CARMIL1: variants seen among roughly 807,000 people sequenced by gnomAD.
CARMIL1 encodes the protein F-actin-uncapping protein LRRC16A.
In CARMIL1, 90 loss-of-function variants were observed where a neutral mutation model predicts 177.1. The ratio of observed to expected loss-of-function variants is 0.51; its 90% CI spans 0.43 to 0.61. The LOEUF (loss-of-function observed/expected upper bound fraction) is 0.61, where lower values mean the gene tolerates loss of function less well. Ranked by LOEUF, CARMIL1 falls within the 20% of genes least tolerant of loss-of-function variation. The pLI, the probability that CARMIL1 is intolerant of heterozygous loss-of-function variation, is 0.00. For missense variants in CARMIL1, 1,380 were observed against 1,667.0 expected (o/e 0.83, Z 3.00); for synonymous variants, 577 against 606.2 (o/e 0.95, Z 0.71).
chr6:25,393,093 G>C (rs1793039829), intron 2 of CARMIL1, among the ~76,000 whole-genome samples: 2 of 151,614 alleles, frequency 1.3e-5, no homozygotes, highest in African/African-American at 4.8e-5. Flanking sequence ...GAAGGATGCA[G>C]TAGAACTCTG....
intron 2 of CARMIL1, among the ~76,000 whole-genome samples, chr6:25,395,153 T>A (rs1793259165): frequency 6.6e-6 from 1 of 152,210 alleles, no homozygotes; most frequent in Non-Finnish European, 1.5e-5. Context: ...GCTTACATCA[T>A]TGTAAGCATG....
intron 11 of CARMIL1, among the ~76,000 whole-genome samples, chr6:25,475,688 T>C (rs181158627): frequency 6.6e-6 from 1 of 152,318 alleles, no homozygotes; most frequent in Non-Finnish European, 1.5e-5. Flanking sequence ...AAAACACTGT[T>C]GAGTGAAAGA....
intron 2 of CARMIL1, among the ~76,000 whole-genome samples, chr6:25,337,897 C>T (rs969071376): frequency 6.6e-6 from 1 of 152,084 alleles, no homozygotes; most frequent in African/African-American, 2.4e-5. Flanking sequence ...GTGTTAGTGG[C>T]CGGGCATGGT....
At chr6:25,428,383 G>T (rs113813831) in intron 4 of CARMIL1, among the ~76,000 whole-genome samples, 1,869 of 152,172 alleles carry the variant, frequency 0.012, 42 homozygotes, top group African/African-American at 0.042. Flanking sequence ...CCGTCTCCTT[G>T]CTACTATCTT....
intron 28 of CARMIL1, among the ~76,000 whole-genome samples, chr6:25,556,307 G>A (rs1810603084): frequency 6.6e-6 from 1 of 152,068 alleles, no homozygotes; most frequent in Non-Finnish European, 1.5e-5. Flanking sequence ...CAATGAAAGC[G>A]AGCAGGAATT....
In CARMIL1 at chr6:25,539,968, G is replaced by C; in HGVS notation, c.2218G>C (p.Val740Leu). Residue 740 changes from valine (V) to leucine (L), a missense_variant, in exon 26 of 37, where the codon GTT (valine) becomes CTT (leucine). Physicochemically the swap from Val to Leu is conservative, Grantham distance 32. Coordinates refer to ENST00000329474, the MANE Select transcript of CARMIL1 (RefSeq NM_017640.6). ...ACAGTTGTTACCAAATTTATACCATGTTGGTGGTGCATCTTGGGCGGGAGC... is the reference window on the plus strand; with the variant it reads ...ACAGTTGTTACCAAATTTATACCATCTTGGTGGTGCATCTTGGGCGGGAGC... Reference protein sequence around the residue: ...SKTLLPNLYHVGGASWAGASG... With the variant: ...SKTLLPNLYHLGGASWAGASG... The C allele has an allele frequency of 6.3e-7, 1 of 1,596,052 alleles. No homozygotes were observed.
At chr6:25,414,265 G>C (rs1795179249) in intron 2 of CARMIL1, among the ~76,000 whole-genome samples, 1 of 152,268 alleles carries the variant, frequency 6.6e-6, no homozygotes, top group East Asian at 1.9e-4. Context: ...AAGTCTTTCT[G>C]ATTCCAAAAT....
intron 2 of CARMIL1, among the ~76,000 whole-genome samples, chr6:25,312,932 C>A (rs1783957555): frequency 2.1e-5 from 3 of 143,058 alleles, no homozygotes; most frequent in Admixed American, 1.4e-4. Flanking sequence ...AAAAAAAAAA[C>A]CAGAGGAGGG....
intron 2 of CARMIL1, among the ~76,000 whole-genome samples, chr6:25,341,550 A>C (rs2744230): frequency 0.46 from 69,420 of 152,044 alleles, 16,109 homozygotes; most frequent in East Asian, 0.55. Context: ...ATGGTGAAAC[A>C]CAGTCTCTAC....
At chr6:25,587,438 C>T (rs1228886773) in intron 31 of CARMIL1, among the ~76,000 whole-genome samples, 1 of 152,068 alleles carries the variant, frequency 6.6e-6, no homozygotes, top group Admixed American at 6.5e-5. Context: ...AAACCTGAGC[C>T]AACTTGTTTC....
chr6:25,325,516 G>A (rs1224189901), intron 2 of CARMIL1, among the ~76,000 whole-genome samples: 5 of 152,130 alleles, frequency 3.3e-5, no homozygotes, highest in Non-Finnish European at 7.4e-5. Context: ...GTTTTGACTT[G>A]TTTGGAAGAT....
chr6:25,529,986 G>A (rs918469153), intron 24 of CARMIL1, among the ~76,000 whole-genome samples: 27 of 151,950 alleles, frequency 1.8e-4, no homozygotes, highest in African/African-American at 6.0e-4. Context: ...GTGAAATGGT[G>A]AATTGACTTA....
chr6:25,412,794 A>G (rs917496602), intron 2 of CARMIL1, among the ~76,000 whole-genome samples: 1 of 152,144 alleles, frequency 6.6e-6, no homozygotes. Flanking sequence ...TTTGACTTAT[A>G]AGCTGTAGTT....
At chr6:25,479,298 T>A in intron 11 of CARMIL1, 1 of 494,982 alleles carries the variant, frequency 2.0e-6, no homozygotes, top group South Asian at 1.5e-5. Flanking sequence ...CTTCTTTTGC[T>A]TCTCTTTGTG....
At chr6:25,369,188 A>G (rs1270939391) in intron 2 of CARMIL1, among the ~76,000 whole-genome samples, 1 of 152,072 alleles carries the variant, frequency 6.6e-6, no homozygotes, top group Non-Finnish European at 1.5e-5. Flanking sequence ...TCTGTCTTGG[A>G]TCCTGTTCTA....
intron 2 of CARMIL1, among the ~76,000 whole-genome samples, chr6:25,322,004 G>A (rs1332923531): frequency 6.6e-6 from 1 of 151,918 alleles, no homozygotes; most frequent in Non-Finnish European, 1.5e-5. Context: ...GTGTTGCCTA[G>A]GCTGCGTTAG....
chr6:25,289,803 C>T (rs964821442), intron 2 of CARMIL1, among the ~76,000 whole-genome samples: 27 of 152,244 alleles, frequency 1.8e-4, no homozygotes, highest in Admixed American at 1.7e-3. Context: ...GGATGTACCA[C>T]GTTTGGTTTA....
At chr6:25,590,775 CGTTT>C in intron 31 of CARMIL1, among the ~76,000 whole-genome samples, 1 of 152,052 alleles carries the variant, frequency 6.6e-6, no homozygotes, top group East Asian at 1.9e-4. Flanking sequence ...TTATAGAATT[CGTTT>C]AAGTTTTTAA....
At chr6:25,354,060 T>G (rs1788344858) in intron 2 of CARMIL1, among the ~76,000 whole-genome samples, 2 of 152,224 alleles carry the variant, frequency 1.3e-5, no homozygotes, top group South Asian at 4.1e-4. Context: ...GAATATTGTC[T>G]GGTTCCAAAT....
Sources: allele counts gnomAD v4.1 joint callset (sites outside exome capture counted in the v4.1 genomes callset), GRCh38; gene constraint gnomAD v4.1.1; transcripts MANE v1.5; gene names NCBI Gene and HGNC (gene_info 2026-07-23, HGNC 2026-07-21).